The following DLG2 variants were observed in gnomAD, a reference collection of about 807,000 sequenced individuals.
The protein encoded by DLG2 is discs large MAGUK scaffold protein 2.
DLG2 carries 45 observed loss-of-function variants against 132.5 expected under a neutral mutation model. The observed-to-expected ratio is 0.34, with a 90% CI of 0.27 to 0.44. The LOEUF is 0.44. DLG2 is among the 20% of genes least tolerant of loss of function. The pLI is 1.00. For synonymous variants in DLG2, 424 were observed against 419.6 expected, an observed-to-expected ratio of 1.01 and a Z score of -0.13; for missense variants, 1,045 against 1,196.9, an observed-to-expected ratio of 0.87 and a Z score of 1.87.
At chr11:84,640,344 G>A in intron 6 of DLG2, 1 of 347,376 alleles carries the variant, frequency 2.9e-6, no homozygotes, top group South Asian at 2.5e-5. Flanking sequence ...TTTCTTGGAT[G>A]AAAAATAAAT....
intron 3 of DLG2, among the ~76,000 whole-genome samples, chr11:85,410,077 T>C (rs1003086357): frequency 2.0e-5 from 3 of 151,880 alleles, no homozygotes; most frequent in Non-Finnish European, 4.4e-5. Context: ...ATTAAACATA[T>C]GTGCTCATGT....
At chr11:85,442,701 A>G (rs1019557901) in intron 3 of DLG2, among the ~76,000 whole-genome samples, 8 of 151,920 alleles carry the variant, frequency 5.3e-5, no homozygotes, top group Non-Finnish European at 1.2e-4. Flanking sequence ...TCTCTACCTA[A>G]ATAAAAAAAA....
At chr11:84,915,647 A>G (rs900984864) in intron 6 of DLG2, among the ~76,000 whole-genome samples, 6 of 152,192 alleles carry the variant, frequency 3.9e-5, no homozygotes. Flanking sequence ...TACTATCATA[A>G]TGAACATTAG....
chr11:84,792,609 G>A (rs751670802), intron 6 of DLG2, among the ~76,000 whole-genome samples: 1 of 152,050 alleles, frequency 6.6e-6, no homozygotes, highest in South Asian at 2.1e-4. Context: ...ACTTGTCATT[G>A]CTCTGTTCAG....
At chr11:84,228,017 T>C (rs965338725) in intron 8 of DLG2, among the ~76,000 whole-genome samples, 12 of 152,144 alleles carry the variant, frequency 7.9e-5, no homozygotes, top group African/African-American at 2.9e-4. Context: ...TGTTGTATTA[T>C]CTGATTATCT....
chr11:85,401,097 C>T (rs1177826807), intron 3 of DLG2, among the ~76,000 whole-genome samples: 1 of 151,918 alleles, frequency 6.6e-6, no homozygotes, highest in Non-Finnish European at 1.5e-5. Flanking sequence ...CTATAAAATA[C>T]TGGCAAACCA....
chr11:84,588,959 T>C (rs1411601486), intron 6 of DLG2, among the ~76,000 whole-genome samples: 1 of 152,074 alleles, frequency 6.6e-6, no homozygotes. Flanking sequence ...GGGGTCTGGA[T>C]TGGGACCCCT....
chr11:83,995,119 A>T (rs1353778694), intron 11 of DLG2, among the ~76,000 whole-genome samples: 1 of 152,054 alleles, frequency 6.6e-6, no homozygotes, highest in African/African-American at 2.4e-5. Context: ...AGACATCAAC[A>T]TCTTTTTCAG....
At chr11:84,107,780 AC>A (rs2093069089) in intron 9 of DLG2, among the ~76,000 whole-genome samples, 1 of 152,094 alleles carries the variant, frequency 6.6e-6, no homozygotes, top group African/African-American at 2.4e-5. Flanking sequence ...AGATGTCTTT[AC>A]TCCATATATT....
chr11:84,766,563 A>C (rs1350047664), intron 6 of DLG2, among the ~76,000 whole-genome samples: 1 of 152,096 alleles, frequency 6.6e-6, no homozygotes, highest in East Asian at 1.9e-4. Flanking sequence ...ACAGCTCATC[A>C]GTAAATAATT....
intron 17 of DLG2, among the ~76,000 whole-genome samples, chr11:83,829,245 G>T (rs2053787490): frequency 6.7e-6 from 1 of 149,250 alleles, no homozygotes; most frequent in African/African-American, 2.5e-5. Context: ...TGCCCAGGCT[G>T]GGGTGCAGTG....
At chr11:85,339,577 T>C (rs2082349725) in intron 3 of DLG2, among the ~76,000 whole-genome samples, 1 of 152,234 alleles carries the variant, frequency 6.6e-6, no homozygotes, top group Admixed American at 6.5e-5. Context: ...TTTACATTTG[T>C]ATTTCTCTAA....
At chr11:85,277,565 A>G (rs1380123683) in intron 4 of DLG2, among the ~76,000 whole-genome samples, 1 of 152,148 alleles carries the variant, frequency 6.6e-6, no homozygotes, top group Non-Finnish European at 1.5e-5. Flanking sequence ...CTTACTGTAA[A>G]CTATTCACAG....
At chr11:84,357,392 G>T (rs1287376641) in intron 7 of DLG2, among the ~76,000 whole-genome samples, 1 of 152,020 alleles carries the variant, frequency 6.6e-6, no homozygotes, top group Non-Finnish European at 1.5e-5. Context: ...CCTCAGGAAA[G>T]CCTTCAGGAA....
At chr11:83,935,391 G>T (rs912349275) in intron 14 of DLG2, among the ~76,000 whole-genome samples, 5 of 152,186 alleles carry the variant, frequency 3.3e-5, no homozygotes, top group African/African-American at 1.2e-4. Flanking sequence ...GGATAAAAGA[G>T]AATTAGTATC....
At chr11:83,648,925 C>T (rs2069127649) in intron 18 of DLG2, among the ~76,000 whole-genome samples, 1 of 152,160 alleles carries the variant, frequency 6.6e-6, no homozygotes, top group Admixed American at 6.5e-5. Flanking sequence ...GTGGCAGCTT[C>T]TCAAGGCCAA....
chr11:83,729,099 C>A (rs987717370), intron 18 of DLG2, among the ~76,000 whole-genome samples: 2 of 152,084 alleles, frequency 1.3e-5, no homozygotes, highest in Non-Finnish European at 2.9e-5. Flanking sequence ...AAGTCCCACC[C>A]AGGAAAGACA....
intron 9 of DLG2, among the ~76,000 whole-genome samples, chr11:84,111,799 G>A (rs2093362974): frequency 6.6e-6 from 1 of 152,146 alleles, no homozygotes; most frequent in Non-Finnish European, 1.5e-5. Flanking sequence ...AACAGCATGA[G>A]TACGGCACAA....
chr11:85,468,963 G>T (rs918673585), intron 3 of DLG2, among the ~76,000 whole-genome samples: 30 of 152,196 alleles, frequency 2.0e-4, no homozygotes, highest in African/African-American at 6.5e-4. Context: ...CTGCCTGTCA[G>T]ATTTCTGACA....
Sources: allele counts gnomAD v4.1 joint callset (sites outside exome capture counted in the v4.1 genomes callset), GRCh38; gene constraint gnomAD v4.1.1; transcripts MANE v1.5; gene names NCBI Gene and HGNC (gene_info 2026-07-23, HGNC 2026-07-21).